CUX1: variants seen among roughly 807,000 people sequenced by gnomAD.
CUX1 encodes protein CASP.
In CUX1, 31 loss-of-function variants were observed where a neutral mutation model predicts 158.8. The observed-to-expected ratio is 0.20, with a 90% CI of 0.15 to 0.26. The LOEUF is 0.26. Among genes scored for constraint, CUX1 ranks in the 10% least tolerant of loss-of-function variants. The pLI, the probability that CUX1 is intolerant of heterozygous loss-of-function variation, is 1.00. For missense variants in CUX1, 1,589 were observed against 2,014.6 expected, an observed-to-expected ratio of 0.79 and a Z score of 4.04; for synonymous variants, 879 against 862.1, an observed-to-expected ratio of 1.02 and a Z score of -0.34.
rs375634663 is a variant in CUX1 at position 102,056,865 on chromosome 7, G to A, written c.190-13474G>A. ...ATTACAGGCATGAGCCACCACACTC[G>A]GCTGATAAAAAGATTTTTTGTTTTT... On this transcript the variant is annotated intron_variant, in intron 3 of 23. Coordinates refer to ENST00000292535, the MANE Select transcript of CUX1 (RefSeq NM_181552.4). 8.3e-5 allele frequency among the ~76,000 whole-genome samples: 12 copies of A among 144,994 alleles called. No individual in the cohort carries two copies. In the East Asian group the frequency reaches 1.1e-3, roughly 13 times the overall value.
chr7:102,146,760 G>A (rs1835068921), intron 8 of CUX1, among the ~76,000 whole-genome samples: 1 of 152,028 alleles, frequency 6.6e-6, no homozygotes. Flanking sequence ...ACCACACCTA[G>A]CTAATTTTTG....
chr7:102,189,896 C>T (rs1554516507), intron 12 of CUX1, 25 bp downstream of exon 12: 1 of 1,613,628 alleles, frequency 6.2e-7, no homozygotes, highest in Non-Finnish European at 8.5e-7. Context: ...CCCTGTGGCC[C>T]CTCACACGCT....
intron 20 of CUX1, among the ~76,000 whole-genome samples, chr7:102,206,796 G>C (rs1452187064): frequency 1.3e-5 from 2 of 152,196 alleles, no homozygotes; most frequent in Non-Finnish European, 2.9e-5. Context: ...CTAGTCAGGA[G>C]GCTGAGGCAG....
chr7:102,126,083 A>G lies in CUX1; in HGVS notation c.674+10810A>G, dbSNP rs369438547. On this transcript the variant is annotated intron_variant, in intron 8 of 23. Coordinates refer to ENST00000292535, the MANE Select transcript of CUX1 (RefSeq NM_181552.4). ...GGCTGGAGTACAGTGGTGCGATCTCAGCTCACTGCAACCTCTGCCTCTTGG... is the reference window on the plus strand; with the variant it reads ...GGCTGGAGTACAGTGGTGCGATCTCGGCTCACTGCAACCTCTGCCTCTTGG... Among the ~76,000 whole-genome samples the G allele has an allele frequency of 2.8e-4, 43 of 151,946 alleles. No homozygotes were observed. In the East Asian group the frequency reaches 3.9e-3, roughly 14 times the overall value.
At chr7:101,939,602 C>T (rs145908026) in intron 2 of CUX1, among the ~76,000 whole-genome samples, 77 of 152,066 alleles carry the variant, frequency 5.1e-4, no homozygotes, top group East Asian at 1.5e-3. Context: ...GAGGCTGAGG[C>T]GGGTGGATCG....
intron 1 of CUX1, among the ~76,000 whole-genome samples, chr7:101,872,954 C>A (rs4729756): frequency 0.18 from 27,614 of 151,970 alleles, 4,304 homozygotes; most frequent in East Asian, 0.83. Context: ...CTCGCTGCAA[C>A]CTCCGCCTCC....
At chr7:102,095,043 C>G (rs201446) in intron 4 of CUX1, among the ~76,000 whole-genome samples, 91,462 of 151,544 alleles carry the variant, frequency 0.6, 29,448 homozygotes, top group African/African-American at 0.78. Context: ...TCTGTTGCCC[C>G]GGCTGGAGTG....
In CUX1 at chr7:102,256,183, C is replaced by G; in HGVS notation, c.*7141C>G. 1 of 985,462 alleles carries G rather than the reference C, an allele frequency of 1.0e-6. No individual in the cohort carries two copies. The highest frequency in any genetic ancestry group is 4.7e-5 in the South Asian group (1 of 21,288). The allele number at this position is 985,462 out of a possible 1,614,324, so 61.0% of individuals were successfully genotyped here. ...ATAGGGAGTATCCGTGATTCAGAAG[C>G]TGAGACCCTTCCCCAGTGTCTGAGG... On this transcript the variant is annotated 3_prime_UTR_variant, in exon 24 of 24. Coordinates refer to ENST00000292535, the MANE Select transcript of CUX1 (RefSeq NM_181552.4).
chr7:102,283,085 C>T lies in CUX1; in HGVS notation c.2032C>T (p.Gln678Ter), dbSNP rs782404950. Residue 678 changes from glutamine to a stop codon, truncating the protein, a stop_gained, in exon 23 of 23, where the codon CAG becomes TAG. Coordinates refer to the CUX1 transcript ENST00000292538. LOFTEE classifies it high-confidence loss of function. ...CGGGGCTGCGGCTGGTGACTTGTGGCAGTGATACCCCGGGGCCTCCCCCGT... is the reference window on the plus strand; with the variant it reads ...CGGGGCTGCGGCTGGTGACTTGTGGTAGTGATACCCCGGGGCCTCCCCCGT... The T allele has an allele frequency of 7.9e-5, 128 of 1,613,464 alleles. No homozygotes were observed. In the Admixed American group the frequency reaches 2.1e-3, roughly 27 times the overall value.
At chr7:101,918,868 C>T (rs1250762107) in intron 2 of CUX1, among the ~76,000 whole-genome samples, 1 of 152,162 alleles carries the variant, frequency 6.6e-6, no homozygotes, top group East Asian at 1.9e-4. Flanking sequence ...CTGCAACCTC[C>T]GCCTCCTGGG....
chr7:102,081,702 G>C (rs1196193067), intron 4 of CUX1, among the ~76,000 whole-genome samples: 1 of 146,000 alleles, frequency 6.8e-6, no homozygotes, highest in East Asian at 1.9e-4. Flanking sequence ...GCATAATCTT[G>C]GCTCGCTGCA....
chr7:101,954,649 G>A (rs927243207), intron 2 of CUX1, among the ~76,000 whole-genome samples: 2 of 151,794 alleles, frequency 1.3e-5, no homozygotes, highest in African/African-American at 4.8e-5. Flanking sequence ...TCTCTACAGT[G>A]TGCTGGCATT....
rs1450216078 is a variant in CUX1 at position 101,936,917 on chromosome 7, G to GGT, written c.141+20701_141+20702dup. Among the ~76,000 whole-genome samples, 5 of 152,152 alleles carry GGT rather than the reference G, an allele frequency of 3.3e-5. No individual in the cohort carries two copies. The East Asian group carries it at 7.7e-4, about 23-fold the overall frequency. On this transcript the variant is annotated intron_variant, in intron 2 of 23. Transcript: ENST00000292535. ...CATGGCTAATCATAAAAACCTCCTG[G>GGT]GTGTGTGTGTATGCTTGTTAAAAAT...
intron 3 of CUX1, among the ~76,000 whole-genome samples, chr7:102,036,763 A>AAC (rs1554461658): frequency 1.3e-5 from 2 of 149,208 alleles, no homozygotes; most frequent in Admixed American, 6.7e-5. Context: ...CAAACAAACA[A>AAC]AAAAAAAAAA....
At chr7:102,074,162 G>A (rs973578426) in intron 4 of CUX1, among the ~76,000 whole-genome samples, 10 of 152,228 alleles carry the variant, frequency 6.6e-5, no homozygotes, top group Non-Finnish European at 1.0e-4. Context: ...GAGTCGGGGT[G>A]CCTTAACTGT....
rs192977951 is a variant in CUX1 at position 101,922,419 on chromosome 7, C to G, written c.141+6194C>G. On this transcript the variant is annotated intron_variant, in intron 2 of 23. Transcript: ENST00000292535. ...TAACCCTTTTTATAGATAAACAGTT[C>G]TGCTTTTTGAGCCTTGGTTCTTAAC... Among the ~76,000 whole-genome samples the G allele has an allele frequency of 1.4e-3, 208 of 152,262 alleles. 1 individual carries two copies. Among genetic ancestry groups the G allele is most frequent in the Non-Finnish European group, 2.3e-3 (158 of 68,032 alleles).
chr7:102,276,107 T>A (rs980680830), intron 17 of CUX1, among the ~76,000 whole-genome samples: 1 of 152,194 alleles, frequency 6.6e-6, no homozygotes, highest in African/African-American at 2.4e-5. Context: ...TTCATTTACA[T>A]TGCTTCCACC....
Position 102,196,879 on chromosome 7 carries a change from C to G in CUX1, c.1468C>G (p.Gln490Glu). The G allele has an allele frequency of 6.2e-7, 1 of 1,614,220 alleles. No homozygotes were observed. The highest frequency in any genetic ancestry group is 8.5e-7 in the Non-Finnish European group (1 of 1,180,050). The change falls in exon 15 of 24, where the codon CAG (glutamine) becomes GAG (glutamate). Residue 490 changes from glutamine to glutamate, a missense_variant. Transcript: ENST00000292535. ...CTCTCTTCTCCAGCGGCAGCTAATG[C>G]AGTCCTTCTACTCCAAGGCTATGCA... ...LNSLLQRQLMQSFYSKAMQEA... is the reference protein window; with the variant it reads ...LNSLLQRQLMESFYSKAMQEA...
chr7:102,103,856 A>T (rs1160683424), intron 5 of CUX1, among the ~76,000 whole-genome samples: 1 of 152,090 alleles, frequency 6.6e-6, no homozygotes, highest in East Asian at 1.9e-4. Flanking sequence ...GAAACATCAC[A>T]TCATAGAGAA....
Sources: gnomAD v4.1 joint callset for allele counts (sites outside exome capture counted in the v4.1 genomes callset) on GRCh38, gnomAD v4.1.1 for gene constraint, MANE v1.5 for transcripts, NCBI Gene and HGNC (gene_info 2026-07-23, HGNC 2026-07-21) for gene names.